The following NEGR1 variants were observed in gnomAD, a reference collection of about 807,000 sequenced individuals.
NEGR1 encodes neuronal growth regulator 1, also known as IgLON family member 4.
Under a neutral mutation model 40.9 loss-of-function variants are expected in NEGR1, and 10 were observed. The ratio of observed to expected loss-of-function variants is 0.24; its 90% CI spans 0.15 to 0.42. NEGR1 has a LOEUF of 0.42. Ranked by LOEUF, NEGR1 falls within the 10% of genes least tolerant of loss-of-function variation. The probability of loss-of-function intolerance (pLI) is 1.00; values close to 1 mark genes in which losing one functional copy is unlikely to be tolerated. For synonymous variants in NEGR1, 185 were observed against 166.8 expected (o/e 1.11, Z -0.84); for missense variants, 352 against 438.9 (o/e 0.80, Z 1.77).
At chr1:71,593,076 G>A (rs1649562160) in intron 5 of NEGR1, 108 bp from the exon 6 acceptor site, 1 of 661,890 alleles carries the variant, frequency 1.5e-6, no homozygotes, top group Non-Finnish European at 2.7e-6. Flanking sequence ...CAACTACGCT[G>A]ACGTTAGCAT....
At chr1:71,610,664 T>A (rs1376666589) in intron 5 of NEGR1, among the ~76,000 whole-genome samples, 1 of 152,156 alleles carries the variant, frequency 6.6e-6, no homozygotes, top group Non-Finnish European at 1.5e-5. Context: ...AAGACAGCAG[T>A]TCCTATTGCT....
At chr1:71,883,863 T>G (rs1477496071) in intron 2 of NEGR1, among the ~76,000 whole-genome samples, 1 of 151,990 alleles carries the variant, frequency 6.6e-6, no homozygotes, top group East Asian at 1.9e-4. Flanking sequence ...TTCTTAAAGT[T>G]AATATTGACT....
At chr1:72,249,766 AAAG>A (rs148434630) in intron 1 of NEGR1, among the ~76,000 whole-genome samples, 33,358 of 152,050 alleles carry the variant, frequency 0.22, 4,229 homozygotes, top group Non-Finnish European at 0.29. Flanking sequence ...AGTTCCCGGC[AAAG>A]AAGAACAGGG....
At chr1:71,805,701 G>A (rs974693938) in intron 2 of NEGR1, among the ~76,000 whole-genome samples, 1 of 152,048 alleles carries the variant, frequency 6.6e-6, no homozygotes, top group Non-Finnish European at 1.5e-5. Context: ...TATTTCTTTT[G>A]TTAAATGCTT....
At chr1:71,418,602 C>T (rs1435340654) in intron 6 of NEGR1, among the ~76,000 whole-genome samples, 3 of 152,068 alleles carry the variant, frequency 2.0e-5, no homozygotes, top group Non-Finnish European at 2.9e-5. Context: ...TCTTCTACTT[C>T]CTCCCAATTC....
At chr1:72,266,713 A>G (rs932015840) in intron 1 of NEGR1, among the ~76,000 whole-genome samples, 1 of 122,666 alleles carries the variant, frequency 8.2e-6, no homozygotes, top group African/African-American at 3.2e-5. Context: ...GTATATATAT[A>G]TAGACAGATA....
intron 1 of NEGR1, among the ~76,000 whole-genome samples, chr1:71,941,556 G>C (rs1269686365): frequency 6.6e-6 from 1 of 152,112 alleles, no homozygotes; most frequent in Non-Finnish European, 1.5e-5. Flanking sequence ...AGGTGTGGCA[G>C]AGGTGGAAGA....
At chr1:71,749,718 A>G (rs74091005) in intron 3 of NEGR1, among the ~76,000 whole-genome samples, 2,984 of 152,184 alleles carry the variant, frequency 0.02, 81 homozygotes, top group African/African-American at 0.068. Flanking sequence ...TCACTTTTTC[A>G]TTATTTGAAG....
intron 3 of NEGR1, among the ~76,000 whole-genome samples, chr1:71,736,349 C>G (rs1295128821): frequency 1.3e-5 from 2 of 151,786 alleles, no homozygotes; most frequent in African/African-American, 2.4e-5. Context: ...CTATTTTTTT[C>G]CTTTTGTTTG....
chr1:71,613,954 A>G (rs1272244851), intron 4 of NEGR1, among the ~76,000 whole-genome samples: 1 of 152,134 alleles, frequency 6.6e-6, no homozygotes, highest in African/African-American at 2.4e-5. Context: ...TTTTCAACAT[A>G]TGAAAACTAT....
intron 4 of NEGR1, among the ~76,000 whole-genome samples, chr1:71,630,658 G>A (rs762012152): frequency 2.0e-5 from 3 of 151,824 alleles, no homozygotes; most frequent in Non-Finnish European, 4.4e-5. Context: ...GTGTTTGTGT[G>A]TCTGTGTGTC....
At chr1:71,597,715 T>C (rs1207332323) in intron 5 of NEGR1, among the ~76,000 whole-genome samples, 2 of 151,712 alleles carry the variant, frequency 1.3e-5, no homozygotes, top group Non-Finnish European at 2.9e-5. Flanking sequence ...GATACCAGCC[T>C]GGCCAACAGG....
At chr1:71,725,745 C>T (rs1349293319) in intron 3 of NEGR1, among the ~76,000 whole-genome samples, 2 of 152,038 alleles carry the variant, frequency 1.3e-5, no homozygotes, top group East Asian at 1.9e-4. Flanking sequence ...AACTTGCCAT[C>T]CTTTTCCTCC....
chr1:71,436,504 A>T (rs1212125994), intron 6 of NEGR1, among the ~76,000 whole-genome samples: 2 of 152,192 alleles, frequency 1.3e-5, no homozygotes, highest in Non-Finnish European at 2.9e-5. Context: ...CCCTTCCATG[A>T]CACAATCACT....
intron 1 of NEGR1, among the ~76,000 whole-genome samples, chr1:72,204,470 C>T (rs1437169794): frequency 1.3e-5 from 2 of 152,114 alleles, no homozygotes; most frequent in African/African-American, 4.8e-5. Context: ...ATCAGTAGAA[C>T]TTCTGTGTTT....
At chr1:71,442,383 A>G (rs1489133558) in intron 6 of NEGR1, among the ~76,000 whole-genome samples, 2 of 151,980 alleles carry the variant, frequency 1.3e-5, no homozygotes, top group Non-Finnish European at 2.9e-5. Context: ...GGGAGGCTGA[A>G]GTGGGCAGAT....
chr1:71,530,118 A>G (rs1367216575), intron 6 of NEGR1, among the ~76,000 whole-genome samples: 1 of 151,362 alleles, frequency 6.6e-6, no homozygotes, highest in Non-Finnish European at 1.5e-5. Context: ...ATTAGGAAAT[A>G]TGAGATCTGT....
chr1:71,951,224 A>G (rs926155603), intron 1 of NEGR1, among the ~76,000 whole-genome samples: 7 of 151,940 alleles, frequency 4.6e-5, no homozygotes, highest in Non-Finnish European at 7.4e-5. Context: ...CAAACACCAA[A>G]TTCTCTTACA....
intron 2 of NEGR1, among the ~76,000 whole-genome samples, chr1:71,803,163 G>A (rs947113913): frequency 5.3e-5 from 8 of 152,086 alleles, no homozygotes; most frequent in African/African-American, 1.9e-4. Flanking sequence ...ATCTTGGTTG[G>A]CCCCTAATCT....
Sources: allele counts gnomAD v4.1 joint callset (sites outside exome capture counted in the v4.1 genomes callset), GRCh38; gene constraint gnomAD v4.1.1; transcripts MANE v1.5; gene names NCBI Gene and HGNC (gene_info 2026-07-23, HGNC 2026-07-21).